The following GDPD5 variants were observed in gnomAD, a reference collection of about 807,000 sequenced individuals.
The protein encoded by GDPD5 is glycerophosphodiester phosphodiesterase 2.
GDPD5 carries 48 observed loss-of-function variants against 75.1 expected under a neutral mutation model. That is an observed-to-expected ratio of 0.64 (90% confidence interval 0.51 to 0.81). The LOEUF (loss-of-function observed/expected upper bound fraction) is 0.81. Among genes scored for constraint, GDPD5 ranks in the 40% least tolerant of loss-of-function variants. The pLI is 0.00. For missense variants in GDPD5, 706 were observed against 822.6 expected, an observed-to-expected ratio of 0.86 and a Z score of 1.73; for synonymous variants, 336 against 339.0, an observed-to-expected ratio of 0.99 and a Z score of 0.10.
chr11:75,442,614 T>C lies in GDPD5; in HGVS notation c.949-33A>G, dbSNP rs1342994203. On this transcript the variant is annotated intron_variant, in intron 11 of 16. Transcript: ENST00000336898. ...GGACAGGGACACACACATGGCTGCA[T>C]CATCAGCCCTTTGGGGGCCCCCACA... 5 of 1,595,190 alleles carry C rather than the reference T, an allele frequency of 3.1e-6. No homozygotes were observed. In the African/African-American group the frequency reaches 5.4e-5, roughly 17 times the overall value.
chr11:75,458,778 ACT>A (rs1949348906), intron 4 of GDPD5, among the ~76,000 whole-genome samples: 1 of 151,462 alleles, frequency 6.6e-6, no homozygotes, highest in Non-Finnish European at 1.5e-5. Context: ...TACTCAATAA[ACT>A]CTCTTTGTTT....
chr11:75,475,047 T>C (rs890577373), intron 3 of GDPD5, among the ~76,000 whole-genome samples: 11 of 152,266 alleles, frequency 7.2e-5, no homozygotes, highest in African/African-American at 2.2e-4. Flanking sequence ...CCCATGGAGA[T>C]GTTACAACAA....
chr11:75,496,779 C>CTTTTTTTTT (rs544914858), intron 1 of GDPD5, among the ~76,000 whole-genome samples: 48 of 103,148 alleles, frequency 4.7e-4, no homozygotes, highest in South Asian at 6.7e-4. Flanking sequence ...TTCTTTCTTT[C>CTTTTTTTTT]TTTTTTTTTT....
intron 15 of GDPD5, among the ~76,000 whole-genome samples, chr11:75,439,024 C>T (rs1948706391): frequency 6.6e-6 from 1 of 151,784 alleles, no homozygotes; most frequent in Non-Finnish European, 1.5e-5. Context: ...ATGGGGGTAC[C>T]CAGGCAGGGT....
rs758828715 is a variant in GDPD5, at chr11:75,442,329, C to A, written c.1167+34G>T. On this transcript the variant is annotated intron_variant, in intron 12 of 16. Coordinates refer to ENST00000336898, the MANE Select transcript of GDPD5 (RefSeq NM_030792.8). Reference sequence around the variant, plus strand: ...CAGCAGGGCTCTAGCCAGGCCAGGGCTCCCGGGGGCAGAGCTGCGTTGCAG... The same window carrying A: ...CAGCAGGGCTCTAGCCAGGCCAGGGATCCCGGGGGCAGAGCTGCGTTGCAG... 7.4e-6 allele frequency: 11 copies of A among 1,495,886 alleles called. No individual in the cohort carries two copies. The Admixed American group carries it at 2.2e-4, about 30-fold the overall frequency. 92.7% of individuals were successfully genotyped at this position (1,495,886 alleles called of 1,614,324 possible). A position where few individuals can be genotyped will look rare whatever the true frequency, so the allele number is the denominator to read the frequency against.
At position 75,439,875 on chromosome 11, in the gene GDPD5, T is replaced by C; in HGVS notation, c.1556+4A>G. On this transcript the variant is annotated splice_donor_region_variant and intron_variant, in intron 15 of 16. Coordinates refer to ENST00000336898, the MANE Select transcript of GDPD5 (RefSeq NM_030792.8). The stretch of plus-strand genomic sequence containing the variant: ...AGCCACGGAAGTGGTCAGATCCTAC[T>C]CACTTCTGGAGCACGAAGATGCCCA... 1 of 1,611,346 alleles carries C rather than the reference T, an allele frequency of 6.2e-7. No individual in the cohort carries two copies. Among genetic ancestry groups the C allele is most frequent in the Non-Finnish European group, 8.5e-7 (1 of 1,177,660 alleles).
chr11:75,474,511 G>C (rs1949738749), intron 3 of GDPD5, among the ~76,000 whole-genome samples: 1 of 152,200 alleles, frequency 6.6e-6, no homozygotes, highest in African/African-American at 2.4e-5. Context: ...CCTGCTGCCA[G>C]GCTCCTCCAC....
chr11:75,513,827 C>T (rs961859846), intron 1 of GDPD5, among the ~76,000 whole-genome samples: 1 of 152,238 alleles, frequency 6.6e-6, no homozygotes, highest in Non-Finnish European at 1.5e-5. Context: ...CAGGAGACCA[C>T]CTGGCTAGTA....
rs1057086956 is a variant in GDPD5 at position 75,450,334 on chromosome 11, CAA to C, written c.376-353_376-352del. On this transcript the variant is annotated intron_variant, in intron 6 of 16. Coordinates refer to ENST00000336898, the MANE Select transcript of GDPD5 (RefSeq NM_030792.8). The stretch of plus-strand genomic sequence containing the variant: ...CTGGGCCTGGCAGGTTAGTCACATC[CAA>C]GGTCCCGCCCAGCCTCCCTGCCACC... 2.4e-4 allele frequency: 86 copies of C among 352,604 alleles called. 1 individual carries two copies. The Admixed American group carries it at 3.2e-3, about 13-fold the overall frequency. The allele number at this position is 352,604 out of a possible 1,614,324, so 21.8% of individuals were successfully genotyped here.
Position 75,442,448 on chromosome 11 carries a change from T to C in GDPD5, c.1082A>G (p.Asp361Gly), listed in dbSNP as rs1007825926. ...GCGGTAGGGGTGCTCCCGGGGCGGG[T>C]CACGCAGGTTGAGCAGCAGTGTGGC... ...GNATLLLNLR[D>G]PPREHPYRSS... Residue 361 changes from aspartate to glycine, a missense_variant, in exon 12 of 17, where the codon GAC becomes GGC. Coordinates refer to ENST00000336898, the MANE Select transcript of GDPD5 (RefSeq NM_030792.8). 1 of 1,612,142 alleles carries C rather than the reference T, an allele frequency of 6.2e-7. No homozygotes were observed. The highest frequency in any genetic ancestry group is 8.5e-7 in the Non-Finnish European group (1 of 1,179,324).
intron 1 of GDPD5, among the ~76,000 whole-genome samples, chr11:75,513,313 C>G (rs535527619): frequency 5.6e-4 from 86 of 152,284 alleles, no homozygotes; most frequent in African/African-American, 2.0e-3. Flanking sequence ...TTAAGGCACA[C>G]AGCCAGCAAG....
chr11:75,448,854 CATGT>C (rs1272018341), intron 9 of GDPD5, 119 bp downstream of exon 9: 7 of 1,260,176 alleles, frequency 5.6e-6, no homozygotes, highest in Non-Finnish European at 7.3e-6. Flanking sequence ...CAGTCCTTCC[CATGT>C]ACCTCCCCTC....
intron 1 of GDPD5, among the ~76,000 whole-genome samples, chr11:75,504,194 C>T (rs142828073): frequency 1.0e-3 from 154 of 152,322 alleles, no homozygotes; most frequent in African/African-American, 3.6e-3. Flanking sequence ...AGAGGGAAAG[C>T]GGAAAACGAG....
chr11:75,435,364 G>T lies in GDPD5; in HGVS notation c.*143C>A. 2 of 704,088 alleles carry T rather than the reference G, an allele frequency of 2.8e-6. No homozygotes were observed. The highest frequency in any genetic ancestry group is 4.5e-6 in the Non-Finnish European group (2 of 443,576). The allele number at this position is 704,088 out of a possible 1,614,324, so 43.6% of individuals were successfully genotyped here. On this transcript the variant is annotated 3_prime_UTR_variant, in exon 17 of 17. Transcript: ENST00000336898. ...AGACAGGGAGTCCCCCTCAAGAGAGGCTGCGGCTGACAAGGGGCTGGAGCC... is the reference window on the plus strand; with the variant it reads ...AGACAGGGAGTCCCCCTCAAGAGAGTCTGCGGCTGACAAGGGGCTGGAGCC...
intron 9 of GDPD5, chr11:75,448,534 T>A: frequency 2.0e-6 from 2 of 988,180 alleles, no homozygotes; most frequent in Non-Finnish European, 2.4e-6. Flanking sequence ...GGTGGCAGAA[T>A]GCGGCGCTGA....
intron 2 of GDPD5, among the ~76,000 whole-genome samples, chr11:75,481,240 G>A (rs61897409): frequency 0.1 from 15,616 of 152,210 alleles, 1,160 homozygotes; most frequent in East Asian, 0.29. Context: ...GTAGGAGCAC[G>A]CTGGGCTTCA....
rs947297554 is a variant in GDPD5 at position 75,437,099 on chromosome 11, A to C, written c.1557-51T>G. ...AGGTCTCTCCTCAGCCCTCCCTTGG[A>C]GCAGAGACCCTGCCTACTTCCAGAG... On this transcript the variant is annotated intron_variant, in intron 15 of 16. Transcript: ENST00000336898. The C allele has an allele frequency of 3.6e-6, 5 of 1,373,766 alleles. No individual in the cohort carries two copies. The African/African-American group carries it at 7.1e-5, about 20-fold the overall frequency. The allele number at this position is 1,373,766 out of a possible 1,614,324, so 85.1% of individuals were successfully genotyped here. A position where few individuals can be genotyped will look rare whatever the true frequency, so the allele number is the denominator to read the frequency against.
At chr11:75,504,845 C>T (rs1333980475) in intron 1 of GDPD5, among the ~76,000 whole-genome samples, 3 of 152,080 alleles carry the variant, frequency 2.0e-5, no homozygotes, top group Non-Finnish European at 2.9e-5. Flanking sequence ...TACTCTCACT[C>T]GGCCAGGCAC....
At chr11:75,491,139 T>C (rs1950100339) in intron 1 of GDPD5, among the ~76,000 whole-genome samples, 1 of 151,958 alleles carries the variant, frequency 6.6e-6, no homozygotes. Flanking sequence ...AAGAAACACA[T>C]AACCAAACAC....
Sources: gnomAD v4.1 joint callset for allele counts (sites outside exome capture counted in the v4.1 genomes callset) on GRCh38, gnomAD v4.1.1 for gene constraint, MANE v1.5 for transcripts, NCBI Gene and HGNC (gene_info 2026-07-23, HGNC 2026-07-21) for gene names.